The following MSRA variants were observed in gnomAD, a reference collection of about 807,000 sequenced individuals.
The protein encoded by MSRA is methionine sulfoxide reductase A.
MSRA carries 54 observed loss-of-function variants against 31.3 expected under a neutral mutation model. The ratio of observed to expected loss-of-function variants is 1.73; its 90% confidence interval spans 1.39 to 2.17. The LOEUF is 2.17. Among genes scored for constraint, MSRA ranks in the 30% most tolerant of loss-of-function variants. The pLI is 0.00. For synonymous variants in MSRA, 169 were observed against 116.5 expected (o/e 1.45, Z -2.90); for missense variants, 507 against 300.9 (o/e 1.69, Z -5.07).
chr8:10,231,002 C>A lies in MSRA; in HGVS notation c.212-14102C>A, dbSNP rs1229890275. On this transcript the variant is annotated intron_variant, in intron 2 of 5. Coordinates refer to ENST00000317173, the MANE Select transcript of MSRA (RefSeq NM_012331.5). ...GTTTCACCGTGTTGGCCAGGCGAGT[C>A]TCGAACTCTTGACCTCAGGTGATTC... 2.0e-5 allele frequency among the ~76,000 whole-genome samples: 3 copies of A among 152,200 alleles called. No individual in the cohort carries two copies. In the East Asian group the frequency reaches 5.8e-4, roughly 29 times the overall value.
intron 5 of MSRA, chr8:10,353,729 T>C (rs938758034): frequency 1.1e-5 from 5 of 446,998 alleles, no homozygotes; most frequent in Non-Finnish European, 2.2e-5. Context: ...GCCACCTGTC[T>C]ACGTCCTGAG....
chr8:10,331,059 C>G (rs923581841), intron 5 of MSRA, among the ~76,000 whole-genome samples: 1 of 152,174 alleles, frequency 6.6e-6, no homozygotes, highest in Non-Finnish European at 1.5e-5. Flanking sequence ...TTGCTGCACA[C>G]AGAAGTCATG....
intron 2 of MSRA, among the ~76,000 whole-genome samples, chr8:10,236,996 T>C (rs577367706): frequency 1.7e-4 from 26 of 152,372 alleles, no homozygotes; most frequent in African/African-American, 5.5e-4. Context: ...ACATGTTAAC[T>C]AACCCTCTAG....
At chr8:10,103,869 A>C (rs952093569) in intron 1 of MSRA, among the ~76,000 whole-genome samples, 1 of 152,114 alleles carries the variant, frequency 6.6e-6, no homozygotes, top group African/African-American at 2.4e-5. Context: ...TTAAGGATAT[A>C]ACTAAAGCCT....
intron 3 of MSRA, among the ~76,000 whole-genome samples, chr8:10,280,849 C>T (rs1441243193): frequency 2.0e-5 from 3 of 152,194 alleles, no homozygotes; most frequent in Non-Finnish European, 2.9e-5. Context: ...TACTAATGCA[C>T]ACAACAACAT....
intron 5 of MSRA, among the ~76,000 whole-genome samples, chr8:10,397,409 C>T (rs908071717): frequency 6.6e-6 from 1 of 152,168 alleles, no homozygotes; most frequent in South Asian, 2.1e-4. Context: ...GCAGGGAGTT[C>T]ATTGAGCTGA....
chr8:10,301,867 G>A (rs566703956), intron 4 of MSRA, among the ~76,000 whole-genome samples: 37 of 152,218 alleles, frequency 2.4e-4, no homozygotes, highest in African/African-American at 8.7e-4. Context: ...TCAGGGGTGG[G>A]AAAATTCCCA....
intron 1 of MSRA, among the ~76,000 whole-genome samples, chr8:10,093,334 CTA>C (rs1413339413): frequency 6.6e-6 from 1 of 152,032 alleles, no homozygotes; most frequent in Non-Finnish European, 1.5e-5. Context: ...TTATTTTCCT[CTA>C]TGTTTTTGAG....
intron 1 of MSRA, among the ~76,000 whole-genome samples, chr8:10,161,435 G>C (rs930017230): frequency 3.9e-5 from 6 of 152,154 alleles, no homozygotes; most frequent in African/African-American, 1.4e-4. Context: ...CCTGTGCAAA[G>C]GCCCAACCTT....
At chr8:10,081,553 G>C (rs1414430568) in intron 1 of MSRA, among the ~76,000 whole-genome samples, 1 of 152,130 alleles carries the variant, frequency 6.6e-6, no homozygotes, top group African/African-American at 2.4e-5. Context: ...GCAGTGGCGT[G>C]ATCTCAGTTC....
intron 3 of MSRA, among the ~76,000 whole-genome samples, chr8:10,278,445 C>T (rs1012557837): frequency 5.9e-5 from 9 of 152,210 alleles, no homozygotes; most frequent in African/African-American, 2.2e-4. Flanking sequence ...GGTGGCTTTC[C>T]TCACGTGGCA....
chr8:10,080,552 G>A (rs1040229315), intron 1 of MSRA, among the ~76,000 whole-genome samples: 3 of 151,978 alleles, frequency 2.0e-5, no homozygotes, highest in Non-Finnish European at 2.9e-5. Context: ...TTTAGAGAAG[G>A]TCTCACTCTG....
At chr8:10,183,988 G>C (rs1479040978) in intron 1 of MSRA, among the ~76,000 whole-genome samples, 1 of 352 alleles carries the variant, frequency 2.8e-3, no homozygotes, top group Non-Finnish European at 0.01. Context: ...AGTGTTGCTG[G>C]TTTTCTTGGC....
intron 1 of MSRA, among the ~76,000 whole-genome samples, chr8:10,064,476 A>G (rs780004444): frequency 6.6e-6 from 1 of 152,204 alleles, no homozygotes; most frequent in Non-Finnish European, 1.5e-5. Flanking sequence ...TAACTTGTTG[A>G]ACAAGTATAT....
chr8:10,192,977 A>T (rs1370401366), intron 1 of MSRA, among the ~76,000 whole-genome samples: 2 of 152,240 alleles, frequency 1.3e-5, no homozygotes, highest in East Asian at 3.8e-4. Context: ...CTCCCCAGAA[A>T]CCTTCTCAAC....
At chr8:10,149,607 A>C (rs1032748726) in intron 1 of MSRA, among the ~76,000 whole-genome samples, 1 of 152,006 alleles carries the variant, frequency 6.6e-6, no homozygotes, top group African/African-American at 2.4e-5. Context: ...CGTTTTAATA[A>C]CATTGTTTGG....
intron 5 of MSRA, among the ~76,000 whole-genome samples, chr8:10,404,594 G>A (rs1279411678): frequency 6.6e-6 from 1 of 152,252 alleles, no homozygotes; most frequent in African/African-American, 2.4e-5. Flanking sequence ...CAGGTGCGCG[G>A]GCTCTCCATG....
intron 2 of MSRA, among the ~76,000 whole-genome samples, chr8:10,234,496 G>A (rs1263537573): frequency 1.3e-5 from 2 of 151,878 alleles, no homozygotes; most frequent in Admixed American, 1.3e-4. Context: ...AAGGGTCAAA[G>A]GCAGTCAGAA....
At chr8:10,226,277 C>T (rs1395208735) in intron 2 of MSRA, among the ~76,000 whole-genome samples, 5 of 152,202 alleles carry the variant, frequency 3.3e-5, no homozygotes, top group Non-Finnish European at 5.9e-5. Context: ...ACTAATAGCC[C>T]TCCCAGCTCT....
Sources: allele counts gnomAD v4.1 joint callset (sites outside exome capture counted in the v4.1 genomes callset), GRCh38; gene constraint gnomAD v4.1.1; transcripts MANE v1.5; gene names NCBI Gene and HGNC (gene_info 2026-07-23, HGNC 2026-07-21).